Variants in IRAK1BP1 observed in about 807,000 individuals in gnomAD.
IRAK1BP1 encodes interleukin 1 receptor associated kinase 1 binding protein 1.
In IRAK1BP1, 24 loss-of-function variants were observed where a neutral mutation model predicts 28.0. The ratio of observed to expected loss-of-function variants is 0.86; its 90% CI spans 0.62 to 1.20. The LOEUF (loss-of-function observed/expected upper bound fraction) is 1.20, where lower values mean the gene tolerates loss of function less well. Ranked by LOEUF, IRAK1BP1 falls within the 50% of genes most tolerant of loss-of-function variation. The pLI, the probability that IRAK1BP1 is intolerant of heterozygous loss-of-function variation, is 0.00. For missense variants in IRAK1BP1, 336 were observed against 316.7 expected, an observed-to-expected ratio of 1.06 and a Z score of -0.46; for synonymous variants, 131 against 116.3, an observed-to-expected ratio of 1.13 and a Z score of -0.81.
downstream of IRAK1BP1, among the ~76,000 whole-genome samples, chr6:78,904,093 C>A (rs988350958): frequency 5.3e-5 from 8 of 152,150 alleles, no homozygotes; most frequent in Non-Finnish European, 1.2e-4. Flanking sequence ...GCAAAGTTAC[C>A]TGAACATTGG....
At chr6:78,976,273 A>G in the IRAK1BP1 span, among the ~76,000 whole-genome samples, 7 of 148,538 alleles carry the variant, frequency 4.7e-5, no homozygotes, top group Non-Finnish European at 7.5e-5. Context: ...AAGCAATGGG[A>G]AAAGGATTCC....
intron 4 of IRAK1BP1, chr6:78,935,432 C>A (rs1265729313): frequency 3.4e-6 from 3 of 877,368 alleles, no homozygotes; most frequent in African/African-American, 1.8e-5. Flanking sequence ...ACTGCAATAA[C>A]CTTCTTTCCA....
At chr6:78,963,441 A>G in the IRAK1BP1 span, among the ~76,000 whole-genome samples, 1 of 152,196 alleles carries the variant, frequency 6.6e-6, no homozygotes, top group Non-Finnish European at 1.5e-5. Flanking sequence ...TTTAAATGAT[A>G]CTATAAGTAA....
chr6:78,918,546 A>AT (rs1356216558), intron 4 of IRAK1BP1, among the ~76,000 whole-genome samples: 1 of 146,552 alleles, frequency 6.8e-6, no homozygotes, highest in African/African-American at 2.5e-5. Flanking sequence ...TGGTTGTTAT[A>AT]TCAGATAAAA....
the IRAK1BP1 span, chr6:78,958,459 T>C: frequency 2.2e-6 from 3 of 1,385,896 alleles, no homozygotes; most frequent in East Asian, 2.3e-5. Flanking sequence ...TAATTACATA[T>C]GAAAAGATAA....
chr6:78,972,081 A>C, the IRAK1BP1 span, among the ~76,000 whole-genome samples: 2 of 152,166 alleles, frequency 1.3e-5, no homozygotes, highest in Non-Finnish European at 2.9e-5. Context: ...GGCAGGGCAC[A>C]GACAAACAAA....
chr6:78,940,565 T>C (rs900794884), intron 4 of IRAK1BP1: 2 of 189,424 alleles, frequency 1.1e-5, no homozygotes, highest in South Asian at 4.1e-4. Flanking sequence ...TTTTTTTTTT[T>C]TTTTTTGCAA....
chr6:78,958,438 T>C, the IRAK1BP1 span: 1 of 1,231,284 alleles, frequency 8.1e-7, no homozygotes, highest in Non-Finnish European at 1.2e-6. Context: ...CATTAATTAT[T>C]AAAACTATCA....
intron 2 of IRAK1BP1, among the ~76,000 whole-genome samples, chr6:78,887,680 AAACAAC>A (rs549997370): frequency 1.3e-5 from 2 of 152,044 alleles, no homozygotes; most frequent in African/African-American, 4.8e-5. Context: ...ACACACACAA[AAACAAC>A]AACAACAACA....
downstream of IRAK1BP1, among the ~76,000 whole-genome samples, chr6:78,905,665 G>A (rs1198250526): frequency 1.3e-5 from 2 of 152,072 alleles, no homozygotes; most frequent in Admixed American, 6.6e-5. Flanking sequence ...GCAGTGGTGC[G>A]ATCTCGGCTC....
downstream of IRAK1BP1, among the ~76,000 whole-genome samples, chr6:78,906,226 TC>T (rs1156676576): frequency 1.3e-5 from 2 of 150,250 alleles, no homozygotes; most frequent in African/African-American, 2.5e-5. Flanking sequence ...GATTGAATAC[TC>T]TTTTTTTTTT....
the IRAK1BP1 span, chr6:78,970,002 C>T: frequency 1.2e-6 from 2 of 1,601,798 alleles, no homozygotes; most frequent in African/African-American, 2.7e-5. Flanking sequence ...TCTTGAAAAA[C>T]AATCTACAAT....
the IRAK1BP1 span, chr6:78,961,851 C>A: frequency 2.0e-6 from 3 of 1,469,170 alleles, no homozygotes; most frequent in Admixed American, 2.0e-5. Context: ...TTTTTGTATG[C>A]CTAAAATAAT....
chr6:78,972,352 G>A, the IRAK1BP1 span, among the ~76,000 whole-genome samples: 1 of 152,146 alleles, frequency 6.6e-6, no homozygotes, highest in Non-Finnish European at 1.5e-5. Flanking sequence ...AAACAGAAAG[G>A]ACATCCACAT....
chr6:78,904,936 T>C (rs9443623), downstream of IRAK1BP1, among the ~76,000 whole-genome samples: 40,035 of 152,104 alleles, frequency 0.26, 5,596 homozygotes, highest in Non-Finnish European at 0.31. Flanking sequence ...TAAAAAGATA[T>C]AGTGATACAG....
the IRAK1BP1 span, among the ~76,000 whole-genome samples, chr6:78,952,401 G>A: frequency 7.5e-5 from 10 of 133,864 alleles, no homozygotes; most frequent in East Asian, 4.5e-4. Context: ...CCTGGAGACA[G>A]AGTGAGACTC....
intron 1 of IRAK1BP1, 69 bp downstream of exon 1, chr6:78,867,960 A>T: frequency 6.9e-7 from 1 of 1,438,966 alleles, no homozygotes; most frequent in Non-Finnish European, 9.3e-7. Flanking sequence ...GTCGGGCCCC[A>T]CAGGCCCCCC....
chr6:78,885,624 A>G (rs1460530671), intron 2 of IRAK1BP1, among the ~76,000 whole-genome samples, 181 bp downstream of exon 2: 1 of 152,176 alleles, frequency 6.6e-6, no homozygotes, highest in East Asian at 1.9e-4. Flanking sequence ...GATTTAAAAG[A>G]AAGTTTAAAA....
At chr6:78,873,834 T>C (rs1418100055) in intron 1 of IRAK1BP1, among the ~76,000 whole-genome samples, 1 of 152,218 alleles carries the variant, frequency 6.6e-6, no homozygotes, top group Non-Finnish European at 1.5e-5. Flanking sequence ...ATTAGATATG[T>C]GTACTGTGCT....
Sources: allele counts gnomAD v4.1 joint callset (sites outside exome capture counted in the v4.1 genomes callset), GRCh38; gene constraint gnomAD v4.1.1; transcripts MANE v1.5; gene names NCBI Gene and HGNC (gene_info 2026-07-23, HGNC 2026-07-21).